The following PDE9A variants were observed in gnomAD, a reference collection of about 807,000 sequenced individuals.
PDE9A encodes high affinity cGMP-specific 3',5'-cyclic phosphodiesterase 9A.
PDE9A carries 60 observed loss-of-function variants against 87.4 expected under a neutral mutation model. That is an observed-to-expected ratio of 0.69 (90% CI 0.56 to 0.85). The LOEUF is 0.85. Among genes scored for constraint, PDE9A ranks in the 40% least tolerant of loss-of-function variants. The pLI is 0.00. For missense variants in PDE9A, 665 were observed against 779.0 expected, an observed-to-expected ratio of 0.85 and a Z score of 1.74; for synonymous variants, 272 against 279.4, an observed-to-expected ratio of 0.97 and a Z score of 0.27.
chr21:42,743,458 CA>C (rs551654125), intron 7 of PDE9A, among the ~76,000 whole-genome samples: 1 of 152,126 alleles, frequency 6.6e-6, no homozygotes, highest in Non-Finnish European at 1.5e-5. Context: ...GGGTATGGAG[CA>C]AAAAGTGGGT....
chr21:42,701,131 A>G (rs748256157), intron 4 of PDE9A: 5 of 152,110 alleles, frequency 3.3e-5, no homozygotes, highest in Non-Finnish European at 5.9e-5. Flanking sequence ...GTTTCCTTTA[A>G]TGTTTCTCAA....
At chr21:42,728,999 C>CAA (rs1004336745) in intron 4 of PDE9A, among the ~76,000 whole-genome samples, 13,829 of 94,094 alleles carry the variant, frequency 0.15, 851 homozygotes, top group Middle Eastern at 0.21. Flanking sequence ...GACTCAGTCT[C>CAA]AAAAAAAAAA....
intron 1 of PDE9A, among the ~76,000 whole-genome samples, chr21:42,678,126 A>G (rs1454724397): frequency 6.6e-6 from 1 of 152,246 alleles, no homozygotes; most frequent in East Asian, 1.9e-4. Context: ...AGAAAAATGA[A>G]CCAGGGTCTG....
In PDE9A at chr21:42,694,575, A is replaced by G. The variant is rs1238682862; in HGVS notation, c.219-4393A>G. On this transcript the variant is annotated intron_variant, in intron 3 of 19. Coordinates refer to ENST00000291539, the MANE Select transcript of PDE9A (RefSeq NM_002606.3). The surrounding 1 kb of genome is among the most constrained non-coding windows in gnomAD (Gnocchi z 5.3). ...GCTTCTTCTCTGCTCCTCATTCCAA[A>G]CTAAACAAATTGTTGCATTGGATTA... Among the ~76,000 whole-genome samples, 2 of 152,072 alleles carry G rather than the reference A, an allele frequency of 1.3e-5. No individual in the cohort carries two copies. The highest frequency in any genetic ancestry group is 6.6e-5 in the Admixed American group (1 of 15,264).
At chr21:42,666,402 T>G (rs1018453141) in intron 1 of PDE9A, among the ~76,000 whole-genome samples, 1 of 152,196 alleles carries the variant, frequency 6.6e-6, no homozygotes, top group African/African-American at 2.4e-5. Flanking sequence ...TGAGCCCATC[T>G]GACTCAGCAG....
At chr21:42,718,418 A>G (rs960256642) in intron 4 of PDE9A, among the ~76,000 whole-genome samples, 1 of 151,708 alleles carries the variant, frequency 6.6e-6, no homozygotes, top group African/African-American at 2.4e-5. Flanking sequence ...TGTATGTTAG[A>G]AAGTTTGCTG....
In PDE9A at chr21:42,769,056, T is replaced by C. The variant is rs1045382; in HGVS notation, c.1491T>C (p.Pro497=). The C allele has an allele frequency of 0.38, 613,217 of 1,611,170 alleles. 120,919 individuals carry two copies. The highest frequency in any genetic ancestry group is 0.62 in the African/African-American group (46,594 of 74,662). The change falls in exon 17 of 20, where the codon CCT becomes CCC. Residue 497 remains proline, a synonymous_variant. Transcript: ENST00000291539. ...QSDREKSEGL[P]VAPFMDRDKV... is the part of the protein sequence containing the mutation. ...ACCGTGAGAAGTCAGAAGGCCTTCC[T>C]GTGGCACCGTTCATGGACCGAGACA...
rs373419649 is a variant in PDE9A at position 42,709,222 on chromosome 21, T to C, written c.262+10211T>C. Among the ~76,000 whole-genome samples, 10 of 152,260 alleles carry C rather than the reference T, an allele frequency of 6.6e-5. 1 individual carries two copies. Among genetic ancestry groups the C allele is most frequent in the African/African-American group, 2.4e-4 (10 of 41,540 alleles). On this transcript the variant is annotated intron_variant, in intron 4 of 19. Coordinates refer to ENST00000291539, the MANE Select transcript of PDE9A (RefSeq NM_002606.3). ...CAGGAACAGAAAACCAAACACCACATGTTCTCACTTATAAGTGGGAGCTGG... is the reference window on the plus strand; with the variant it reads ...CAGGAACAGAAAACCAAACACCACACGTTCTCACTTATAAGTGGGAGCTGG...
chr21:42,754,806 CCTT>C (rs1247242341), intron 10 of PDE9A, among the ~76,000 whole-genome samples: 1 of 152,132 alleles, frequency 6.6e-6, no homozygotes, highest in Admixed American at 6.5e-5. Flanking sequence ...GTGACTTTCT[CCTT>C]CTCTGCCATT....
At chr21:42,744,371 A>G (rs548641653) in intron 8 of PDE9A, among the ~76,000 whole-genome samples, 1 of 152,190 alleles carries the variant, frequency 6.6e-6, no homozygotes, top group East Asian at 1.9e-4. Flanking sequence ...AAAAGAGCAC[A>G]TATTGGAGAT....
At chr21:42,771,327 T>C (rs1398877133) in intron 18 of PDE9A, among the ~76,000 whole-genome samples, 1 of 152,172 alleles carries the variant, frequency 6.6e-6, no homozygotes, top group Non-Finnish European at 1.5e-5. Flanking sequence ...TGGATAGATA[T>C]CATTTTGGAG....
At chr21:42,693,695 G>T (rs1320045068) in intron 3 of PDE9A, among the ~76,000 whole-genome samples, 1 of 146,496 alleles carries the variant, frequency 6.8e-6, no homozygotes, top group African/African-American at 2.5e-5. Flanking sequence ...CAGGTTCCAG[G>T]GATTCTCCTG....
rs2051564998 is a variant in PDE9A at position 42,730,148 on chromosome 21, T to TATG, written c.263-1616_263-1614dup. On this transcript the variant is annotated intron_variant, in intron 4 of 19. Coordinates refer to ENST00000291539, the MANE Select transcript of PDE9A (RefSeq NM_002606.3). ...GTTCACCAAGTGGCCTGTAAAACCC[T>TATG]ATGATGATTCTTGTTGATGGGAGCC... 2.6e-5 allele frequency among the ~76,000 whole-genome samples: 4 copies of TATG among 152,334 alleles called. No individual in the cohort carries two copies. The South Asian group carries it at 8.3e-4, about 32-fold the overall frequency.
intron 1 of PDE9A, among the ~76,000 whole-genome samples, chr21:42,677,599 G>A (rs191758885): frequency 1.3e-5 from 2 of 151,618 alleles, no homozygotes; most frequent in African/African-American, 4.8e-5. Context: ...TCTTTCATTC[G>A]CCAGCCTGTC....
At chr21:42,677,776 G>A (rs1008394898) in intron 1 of PDE9A, among the ~76,000 whole-genome samples, 31 of 152,166 alleles carry the variant, frequency 2.0e-4, no homozygotes, top group Admixed American at 1.8e-3. Flanking sequence ...CTGAGGAGCT[G>A]GGACTACAGG....
intron 1 of PDE9A, among the ~76,000 whole-genome samples, chr21:42,662,717 ACACTTGTACACACCAGG>A (rs2057621542): frequency 6.9e-6 from 1 of 144,092 alleles, no homozygotes; most frequent in African/African-American, 2.6e-5. Context: ...CGCACATCAC[ACACTTGTACACACCAGG>A]CACATCACAC....
intron 1 of PDE9A, among the ~76,000 whole-genome samples, chr21:42,679,081 ATCCAGG>A (rs1314051761): frequency 1.3e-5 from 2 of 152,188 alleles, no homozygotes; most frequent in Non-Finnish European, 2.9e-5. Context: ...GACCCCAGAG[ATCCAGG>A]TCACGAGGAG....
intron 14 of PDE9A, among the ~76,000 whole-genome samples, chr21:42,764,461 G>T (rs2056161543): frequency 6.6e-6 from 1 of 152,218 alleles, no homozygotes; most frequent in South Asian, 2.1e-4. Context: ...CCCCAGTGGG[G>T]AGCTCCTCCA....
chr21:42,701,846 T>C (rs2146350266), intron 4 of PDE9A, among the ~76,000 whole-genome samples: 1 of 152,374 alleles, frequency 6.6e-6, no homozygotes, highest in Middle Eastern at 3.4e-3. Flanking sequence ...CAGCTTCTAA[T>C]GAGAAGTCTG....
Sources: gnomAD v4.1 joint callset for allele counts (sites outside exome capture counted in the v4.1 genomes callset) on GRCh38, gnomAD v4.1.1 for gene constraint, Gnocchi (gnomAD v3.1) non-coding constraint, MANE v1.5 for transcripts, NCBI Gene and HGNC (gene_info 2026-07-23, HGNC 2026-07-21) for gene names.